The following ZCCHC8 variants were observed in gnomAD, a reference collection of about 807,000 sequenced individuals.
ZCCHC8 encodes zinc finger CCHC domain-containing protein 8.
ZCCHC8 carries 27 observed loss-of-function variants against 70.6 expected under a neutral mutation model. The observed-to-expected ratio is 0.38, with a 90% CI of 0.28 to 0.53. The LOEUF (loss-of-function observed/expected upper bound fraction) is 0.53. Among genes scored for constraint, ZCCHC8 ranks in the 20% least tolerant of loss-of-function variants. ZCCHC8 has a pLI of 0.81. For synonymous variants in ZCCHC8, 293 were observed against 317.4 expected (o/e 0.92, Z 0.82); for missense variants, 737 against 876.9 (o/e 0.84, Z 2.01).
chr12:122,487,872 TTTTGTTTG>T (rs201194069), intron 5 of ZCCHC8, among the ~76,000 whole-genome samples: 1 of 151,446 alleles, frequency 6.6e-6, no homozygotes, highest in Non-Finnish European at 1.5e-5. Flanking sequence ...TATATATATA[TTTTGTTTG>T]TTTGTTTGTT....
chr12:122,478,320 A>G, intron 11 of ZCCHC8, 28 bp from the exon 12 acceptor site: 2 of 1,496,682 alleles, frequency 1.3e-6, no homozygotes, highest in Non-Finnish European at 1.8e-6. Context: ...AGGAAAAAAA[A>G]AACACATGTA....
chr12:122,483,650 AT>A lies in ZCCHC8; in HGVS notation c.502-88del, dbSNP rs1957580372. ...AAGATTATGATTAACTGTTTTAACA[AT>A]TTATTTTTGGATGGAATTATTAGAA... On this transcript the variant is annotated intron_variant, in intron 5 of 13. Transcript: ENST00000633063. The surrounding 1 kb of genome is among the most constrained non-coding windows in gnomAD (Gnocchi z 4.4). 2 of 1,091,434 alleles carry A rather than the reference AT, an allele frequency of 1.8e-6. No homozygotes were observed. The highest frequency in any genetic ancestry group is 2.6e-6 in the Non-Finnish European group (2 of 756,046). The allele number at this position is 1,091,434 out of a possible 1,614,324, so 67.6% of individuals were successfully genotyped here. A position where few individuals can be genotyped will look rare whatever the true frequency, so the allele number is the denominator to read the frequency against.
chr12:122,487,377 A>G (rs1280647114), intron 5 of ZCCHC8, among the ~76,000 whole-genome samples: 1 of 152,220 alleles, frequency 6.6e-6, no homozygotes, highest in Non-Finnish European at 1.5e-5. Context: ...TTTCTAGGCA[A>G]GTGCCACTTT....
intron 10 of ZCCHC8, chr12:122,480,992 GT>G (rs1957521929): frequency 6.6e-6 from 1 of 152,344 alleles, no homozygotes; most frequent in Non-Finnish European, 1.5e-5. Flanking sequence ...CTTCATGTAT[GT>G]TGCAGGGAGT....
intron 10 of ZCCHC8, chr12:122,480,808 C>T (rs1436552254): frequency 1.3e-5 from 2 of 152,624 alleles, no homozygotes; most frequent in African/African-American, 4.8e-5. Context: ...CCGGGTTTCA[C>T]CGTCTTGGCT....
chr12:122,488,955 A>G (rs559204793), intron 5 of ZCCHC8, among the ~76,000 whole-genome samples: 1 of 152,268 alleles, frequency 6.6e-6, no homozygotes, highest in South Asian at 2.1e-4. Flanking sequence ...AGGTATTGAA[A>G]GGCTGTAGCC....
intron 8 of ZCCHC8, 60 bp from the exon 9 acceptor site, chr12:122,482,147 TA>T: frequency 6.7e-7 from 1 of 1,497,594 alleles, no homozygotes; most frequent in Non-Finnish European, 8.9e-7. Flanking sequence ...TTTCAGAAAT[TA>T]AATAAAAATA....
At chr12:122,477,654 G>A (rs1316007573) in intron 13 of ZCCHC8, among the ~76,000 whole-genome samples, 187 bp downstream of exon 13, 3 of 151,004 alleles carry the variant, frequency 2.0e-5, no homozygotes, top group Non-Finnish European at 4.4e-5. Flanking sequence ...AGCTGGGCGT[G>A]GTGATGCATG....
Position 122,473,929 on chromosome 12 carries a change from G to A in ZCCHC8, c.1692C>T (p.Asp564=). The change falls in exon 14 of 14, where the codon GAC becomes GAT. Residue 564 remains aspartate (D), a synonymous_variant. Coordinates refer to ENST00000633063, the MANE Select transcript of ZCCHC8 (RefSeq NM_017612.5). ...ATGTTTTTCCCTCCGGGACAGGGAG[G>A]TCTAGCTCATTTGGACAAGGTGATG... ...VASSPCPNEL[D]LPVPEGKTSE... is the part of the protein sequence containing the mutation. 1.2e-6 allele frequency: 2 copies of A among 1,613,216 alleles called. No homozygotes were observed. Among genetic ancestry groups the A allele is most frequent in the Admixed American group, 1.7e-5 (1 of 59,802 alleles).
At chr12:122,494,148 C>T (rs1238431877) in intron 2 of ZCCHC8, among the ~76,000 whole-genome samples, 4 of 152,110 alleles carry the variant, frequency 2.6e-5, no homozygotes, top group African/African-American at 4.8e-5. Context: ...ATGGGTAGCC[C>T]GGGGCCAGCT....
chr12:122,477,945 G>C lies in ZCCHC8; in HGVS notation c.1241C>G (p.Ser414Cys). 6.2e-7 allele frequency: 1 copy of C among 1,613,772 alleles called. No homozygotes were observed. The highest frequency in any genetic ancestry group is 8.5e-7 in the Non-Finnish European group (1 of 1,179,720). Residue 414 changes from serine (S) to cysteine (C), a missense_variant, in exon 13 of 14, where the codon TCT (serine) becomes TGT (cysteine). By Grantham distance (112) the Ser-to-Cys change is moderately radical. Transcript: ENST00000633063. ...TSNFQAPGVKSGNKRSSSHSS... is the reference protein window; with the variant it reads ...TSNFQAPGVKCGNKRSSSHSS... ...GTGAGATGAAGACCTCTTGTTGCCA[G>C]ACTTCACACCTGGCTAAAAGAGCAA...
chr12:122,481,987 T>A lies in ZCCHC8; in HGVS notation c.833A>T (p.Glu278Val), dbSNP rs1358313611. 4.3e-6 allele frequency: 7 copies of A among 1,610,798 alleles called. No homozygotes were observed. Among genetic ancestry groups the A allele is most frequent in the South Asian group, 2.2e-5 (2 of 91,032 alleles). The change falls in exon 9 of 14, where the codon GAA becomes GTA. Residue 278 changes from glutamate to valine, a missense_variant. Glu to Val is a moderately radical substitution (Grantham distance 121). Transcript: ENST00000633063. ...GAATCTTCCAAATCTTTCTTCTACT[T>A]CTTCTGCGTGGTATCGCTGCTGGAA... ...QNFQQRYHAE[E>V]VEERFGRFKP...
chr12:122,495,450 C>T (rs924542718), intron 2 of ZCCHC8, among the ~76,000 whole-genome samples: 15 of 152,254 alleles, frequency 9.9e-5, no homozygotes, highest in South Asian at 8.3e-4. Flanking sequence ...AAGATCATGC[C>T]GCTGTACTCC....
At chr12:122,485,871 C>A (rs1957626130) in intron 5 of ZCCHC8, among the ~76,000 whole-genome samples, 1 of 152,050 alleles carries the variant, frequency 6.6e-6, no homozygotes, top group Non-Finnish European at 1.5e-5. Context: ...GGCACTCGGG[C>A]CAAAAACCTG....
chr12:122,486,194 C>T (rs1201085345), intron 5 of ZCCHC8, among the ~76,000 whole-genome samples: 2 of 151,934 alleles, frequency 1.3e-5, no homozygotes, highest in Non-Finnish European at 2.9e-5. Context: ...GTGGGTGGAT[C>T]ACAAAGTCAG....
chr12:122,483,435 G>A lies in ZCCHC8; in HGVS notation c.605+25C>T. ...GAACTTAGTGGCAAGATGCATAAAAGATCTTCATTCACTATGTAGGATACT... is the reference window on the plus strand; with the variant it reads ...GAACTTAGTGGCAAGATGCATAAAAAATCTTCATTCACTATGTAGGATACT... On this transcript the variant is annotated intron_variant, in intron 6 of 13. Coordinates refer to ENST00000633063, the MANE Select transcript of ZCCHC8 (RefSeq NM_017612.5). The surrounding 1 kb of genome is among the most constrained non-coding windows in gnomAD (Gnocchi z 4.4). 1 of 1,575,740 alleles carries A rather than the reference G, an allele frequency of 6.3e-7. No homozygotes were observed. Among genetic ancestry groups the A allele is most frequent in the Non-Finnish European group, 8.6e-7 (1 of 1,158,382 alleles).
At chr12:122,474,734 C>CTTT (rs1235367292) in intron 13 of ZCCHC8, among the ~76,000 whole-genome samples, 7 of 124,736 alleles carry the variant, frequency 5.6e-5, no homozygotes, top group South Asian at 5.2e-4. Flanking sequence ...TTTCCTAGCT[C>CTTT]TTTTTTTTTT....
intron 7 of ZCCHC8, chr12:122,482,936 G>A: frequency 3.8e-6 from 2 of 521,200 alleles, no homozygotes; most frequent in South Asian, 6.3e-5. Context: ...CCTCTTTTGA[G>A]TTTTTTCAGT....
intron 13 of ZCCHC8, among the ~76,000 whole-genome samples, chr12:122,476,059 T>G (rs1448993541): frequency 2.0e-5 from 3 of 152,238 alleles, no homozygotes; most frequent in Non-Finnish European, 4.4e-5. Context: ...TTTTCCTCTG[T>G]GCCACCATTA....
Sources: gnomAD v4.1 joint callset for allele counts (sites outside exome capture counted in the v4.1 genomes callset) on GRCh38, gnomAD v4.1.1 for gene constraint, Gnocchi (gnomAD v3.1) non-coding constraint, MANE v1.5 for transcripts, NCBI Gene and HGNC (gene_info 2026-07-23, HGNC 2026-07-21) for gene names.